MRAP2: variants seen among roughly 807,000 people sequenced by gnomAD.
MRAP2 encodes melanocortin 2 receptor accessory protein 2, also known as melanocortin-2 receptor accessory protein 2.
A neutral mutation model predicts 17.4 loss-of-function variants in MRAP2; 20 were observed. The ratio of observed to expected loss-of-function variants is 1.15; its 90% CI spans 0.81 to 1.67. The LOEUF (loss-of-function observed/expected upper bound fraction) is 1.67, where lower values mean the gene tolerates loss of function less well. Ranked by LOEUF, MRAP2 falls within the 40% of genes most tolerant of loss-of-function variation. MRAP2 has a pLI of 0.00. For missense variants in MRAP2, 238 were observed against 240.0 expected, an observed-to-expected ratio of 0.99 and a Z score of 0.05; for synonymous variants, 96 against 88.4, an observed-to-expected ratio of 1.09 and a Z score of -0.48.
At chr6:84,070,060 C>T (rs1225469414) in intron 3 of MRAP2, among the ~76,000 whole-genome samples, 1 of 151,822 alleles carries the variant, frequency 6.6e-6, no homozygotes. Context: ...TTTCATTTAT[C>T]TTTTGTATTT....
At chr6:84,124,367 A>C in the MRAP2 span, 3 of 152,130 alleles carry the variant, frequency 2.0e-5, no homozygotes, top group Non-Finnish European at 2.9e-5. Context: ...ATAGAGAGAG[A>C]TATATAAATG....
In MRAP2 at chr6:84,089,783, A is replaced by C. The variant is rs1048928455; in HGVS notation, c.*302A>C. 1.4e-5 allele frequency: 4 copies of C among 286,234 alleles called. No individual in the cohort carries two copies. The highest frequency in any genetic ancestry group is 8.8e-5 in the African/African-American group (4 of 45,458). 17.7% of individuals were successfully genotyped at this position (286,234 alleles called of 1,614,324 possible). ...CAGCTTTGAATGTGGCCCAATACAA[A>C]TTTTAAACTTTATTAAAACATGAGT... On this transcript the variant is annotated 3_prime_UTR_variant, in exon 4 of 4. Coordinates refer to ENST00000257776, the MANE Select transcript of MRAP2 (RefSeq NM_138409.4).
the MRAP2 span, among the ~76,000 whole-genome samples, chr6:84,098,942 CT>C: frequency 6.6e-6 from 1 of 152,102 alleles, no homozygotes; most frequent in Non-Finnish European, 1.5e-5. Context: ...GACAGAAATT[CT>C]TCATTTTGGT....
chr6:84,044,041 T>G (rs1304990358), intron 1 of MRAP2, among the ~76,000 whole-genome samples: 10 of 152,212 alleles, frequency 6.6e-5, no homozygotes, highest in Non-Finnish European at 2.9e-5. Flanking sequence ...AGTAAGTCAT[T>G]TTTAATGGAC....
At chr6:84,067,356 C>CT (rs375076283) in intron 3 of MRAP2, among the ~76,000 whole-genome samples, 1 of 152,284 alleles carries the variant, frequency 6.6e-6, no homozygotes, top group African/African-American at 2.4e-5. Flanking sequence ...CTGCAAGTAT[C>CT]TTTTTTGTAT....
chr6:84,036,320 G>A (rs1037157383), intron 1 of MRAP2, among the ~76,000 whole-genome samples: 1 of 152,098 alleles, frequency 6.6e-6, no homozygotes, highest in African/African-American at 2.4e-5. Flanking sequence ...GAGCAAGGAG[G>A]CCTTGTTGAA....
In MRAP2 at chr6:84,089,428, A is replaced by G. The variant is rs1393641741; in HGVS notation, c.565A>G (p.Ile189Val). Residue 189 changes from isoleucine to valine, a missense_variant, in exon 4 of 4, where the codon ATT becomes GTT. Coordinates refer to ENST00000257776, the MANE Select transcript of MRAP2 (RefSeq NM_138409.4). Reference sequence around the variant, plus strand: ...TGATCTTCTGATTTCTGAACCACCTATTGTTCTGGAAACTAAGCCACTTTC... The same window carrying G: ...TGATCTTCTGATTTCTGAACCACCTGTTGTTCTGGAAACTAAGCCACTTTC... ...EDDLLISEPP[I>V]VLETKPLSQT... is the part of the protein sequence containing the mutation. 2 of 1,613,910 alleles carry G rather than the reference A, an allele frequency of 1.2e-6. No homozygotes were observed. The highest frequency in any genetic ancestry group is 1.7e-6 in the Non-Finnish European group (2 of 1,180,026).
chr6:84,045,469 A>T (rs868212731), intron 1 of MRAP2, among the ~76,000 whole-genome samples: 1 of 152,048 alleles, frequency 6.6e-6, no homozygotes, highest in East Asian at 1.9e-4. Flanking sequence ...GAAAAAAAAA[A>T]ATATACACAC....
At chr6:84,116,191 CTTG>C in the MRAP2 span, among the ~76,000 whole-genome samples, 4 of 152,068 alleles carry the variant, frequency 2.6e-5, no homozygotes, top group South Asian at 8.3e-4. Flanking sequence ...AGAGGGCATC[CTTG>C]TTGATATGGT....
chr6:84,048,803 G>T lies in MRAP2; in HGVS notation c.-7-6509G>T, dbSNP rs148992105. Among the ~76,000 whole-genome samples, 945 of 152,282 alleles carry T rather than the reference G, an allele frequency of 6.2e-3. 12 individuals are homozygous for T. Among genetic ancestry groups the T allele is most frequent in the African/African-American group, 0.021 (891 of 41,546 alleles). On this transcript the variant is annotated intron_variant, in intron 1 of 3. Coordinates refer to ENST00000257776, the MANE Select transcript of MRAP2 (RefSeq NM_138409.4). Reference sequence around the variant, plus strand: ...CAGACCACGTAAAACATGTGCTGTGGTCAGCTTGGCCATTGTTTTCCTAAT... The same window carrying T: ...CAGACCACGTAAAACATGTGCTGTGTTCAGCTTGGCCATTGTTTTCCTAAT...
At chr6:84,087,152 G>T (rs2099500686) in intron 3 of MRAP2, among the ~76,000 whole-genome samples, 1 of 149,682 alleles carries the variant, frequency 6.7e-6, no homozygotes, top group African/African-American at 2.5e-5. Flanking sequence ...ATGTGCCCAA[G>T]GTGGTTACAG....
the MRAP2 span, among the ~76,000 whole-genome samples, chr6:84,120,831 A>T: frequency 7.2e-5 from 11 of 152,160 alleles, no homozygotes; most frequent in African/African-American, 2.4e-4. Flanking sequence ...TAAATTATTT[A>T]TAACTTAAAA....
At chr6:84,112,690 G>A in the MRAP2 span, among the ~76,000 whole-genome samples, 907 of 152,132 alleles carry the variant, frequency 6.0e-3, 4 homozygotes, top group African/African-American at 0.021. Context: ...CTTTTGTGAT[G>A]TTAGGGTGTT....
the MRAP2 span, among the ~76,000 whole-genome samples, chr6:84,130,409 G>A: frequency 6.6e-6 from 1 of 151,982 alleles, no homozygotes; most frequent in Non-Finnish European, 1.5e-5. Context: ...TTTCTATTGT[G>A]TGGAATAGTT....
the MRAP2 span, among the ~76,000 whole-genome samples, chr6:84,129,301 CCCA>C: frequency 6.6e-6 from 1 of 152,184 alleles, no homozygotes. Flanking sequence ...AATTTACACT[CCCA>C]CCAACAGTGT....
the MRAP2 span, among the ~76,000 whole-genome samples, chr6:84,130,828 T>G: frequency 1.5e-4 from 23 of 152,312 alleles, no homozygotes; most frequent in South Asian, 3.7e-3. Context: ...TGATTTTTTT[T>G]GAAAGGTTTC....
chr6:84,077,796 T>C (rs2099497991), intron 3 of MRAP2, among the ~76,000 whole-genome samples: 1 of 152,156 alleles, frequency 6.6e-6, no homozygotes, highest in Non-Finnish European at 1.5e-5. Context: ...AAAAAATGAA[T>C]GAGATTACCT....
intron 1 of MRAP2, among the ~76,000 whole-genome samples, chr6:84,044,542 C>G (rs902853812): frequency 6.6e-6 from 1 of 152,208 alleles, no homozygotes; most frequent in Non-Finnish European, 1.5e-5. Context: ...AAGGGAAGCT[C>G]TGCTCCAGGC....
rs1159889905 is a variant in MRAP2 at position 84,089,080 on chromosome 6, T to G, written c.228-11T>G. On this transcript the variant is annotated splice_polypyrimidine_tract_variant and intron_variant, in intron 3 of 3. Coordinates refer to ENST00000257776, the MANE Select transcript of MRAP2 (RefSeq NM_138409.4). ...AGTGTAAGCAGTCTTTTATTTTCTT[T>G]TTTTAAATAGCAATGCAGAGTCCTC... is the stretch of plus-strand genomic sequence containing the variant. 5 of 1,590,800 alleles carry G rather than the reference T, an allele frequency of 3.1e-6. No homozygotes were observed. Among genetic ancestry groups the G allele is most frequent in the Non-Finnish European group, 4.3e-6 (5 of 1,170,788 alleles).
Sources: allele counts gnomAD v4.1 joint callset (sites outside exome capture counted in the v4.1 genomes callset), GRCh38; gene constraint gnomAD v4.1.1; transcripts MANE v1.5; gene names NCBI Gene and HGNC (gene_info 2026-07-23, HGNC 2026-07-21).